The following GMPR variants were observed in gnomAD, a reference collection of about 807,000 sequenced individuals.
GMPR encodes the protein guanosine monophosphate reductase, also known as GMP reductase 1.
GMPR carries 31 observed loss-of-function variants against 38.4 expected under a neutral mutation model. The observed-to-expected ratio is 0.81, with a 90% CI of 0.61 to 1.09. The LOEUF (loss-of-function observed/expected upper bound fraction) is 1.09, where lower values mean the gene tolerates loss of function less well. GMPR is among the 50% of genes least tolerant of loss of function. The pLI is 0.00. For missense variants in GMPR, 468 were observed against 453.7 expected (o/e 1.03, Z -0.29); for synonymous variants, 162 against 173.3 (o/e 0.93, Z 0.51).
intron 4 of GMPR, among the ~76,000 whole-genome samples, chr6:16,266,365 CTG>C (rs371366972): frequency 1.9e-4 from 23 of 123,124 alleles, no homozygotes; most frequent in African/African-American, 5.4e-4. Flanking sequence ...GTAACACTCA[CTG>C]TGAAAAAGGT....
At chr6:16,273,380 G>A (rs1449629468) in intron 4 of GMPR, among the ~76,000 whole-genome samples, 4 of 152,202 alleles carry the variant, frequency 2.6e-5, no homozygotes, top group African/African-American at 9.6e-5. Flanking sequence ...CCTATATACT[G>A]GCTGAAGAAT....
intron 4 of GMPR, among the ~76,000 whole-genome samples, chr6:16,267,471 G>A (rs1759280046): frequency 1.3e-5 from 2 of 151,678 alleles, no homozygotes; most frequent in South Asian, 2.1e-4. Context: ...ACTCCGGACG[G>A]TGCCACTTTT....
intron 4 of GMPR, among the ~76,000 whole-genome samples, chr6:16,265,833 T>G (rs2113684504): frequency 6.6e-6 from 1 of 151,710 alleles, no homozygotes; most frequent in Admixed American, 6.8e-5. Context: ...CATGGAGGTT[T>G]TCTTCGTTCG....
Position 16,286,920 on chromosome 6 carries a change from T to C in GMPR, c.697+1085T>C, listed in dbSNP as rs372307057. The stretch of plus-strand genomic sequence containing the variant: ...CCCTGTCTCAAAAAAATATAAAAAA[T>C]AAAAATTAAAAAATAAATGGTCAGA... On this transcript the variant is annotated intron_variant, in intron 7 of 8. Coordinates refer to ENST00000259727, the MANE Select transcript of GMPR (RefSeq NM_006877.4). Among the ~76,000 whole-genome samples, 8 of 151,894 alleles carry C rather than the reference T, an allele frequency of 5.3e-5. No homozygotes were observed. The East Asian group carries it at 1.2e-3, about 22-fold the overall frequency.
chr6:16,290,539 A>AACGG lies in GMPR; in HGVS notation c.781_784dup (p.Lys262ThrfsTer12). ...GTGTGCTGGAGAAGTGTTTGAGAGGAACGGACGGAAGCTCAAGCTCTTCTA... is the reference window on the plus strand; with the variant it reads ...GTGTGCTGGAGAAGTGTTTGAGAGGAACGGACGGACGGAAGCTCAAGCTCTTCTA... On this transcript the variant is annotated frameshift_variant, in exon 8 of 9. Coordinates refer to ENST00000259727, the MANE Select transcript of GMPR (RefSeq NM_006877.4). LOFTEE classifies it high-confidence loss of function. 1 of 1,613,988 alleles carries AACGG rather than the reference A, an allele frequency of 6.2e-7. No individual in the cohort carries two copies. The highest frequency in any genetic ancestry group is 8.5e-7 in the Non-Finnish European group (1 of 1,179,880).
chr6:16,265,703 C>A (rs1759185076), intron 4 of GMPR, among the ~76,000 whole-genome samples: 1 of 152,202 alleles, frequency 6.6e-6, no homozygotes, highest in African/African-American at 2.4e-5. Context: ...TCTGTAAAAA[C>A]ACACCACTCC....
At chr6:16,285,325 G>A (rs1446457754) in intron 6 of GMPR, among the ~76,000 whole-genome samples, 1 of 152,226 alleles carries the variant, frequency 6.6e-6, no homozygotes, top group Non-Finnish European at 1.5e-5. Context: ...TCCTTTTCTT[G>A]GCTCTTACAA....
intron 5 of GMPR, among the ~76,000 whole-genome samples, chr6:16,277,129 C>T (rs1451088342): frequency 2.0e-5 from 3 of 152,096 alleles, no homozygotes; most frequent in South Asian, 4.1e-4. Context: ...GGTTGCAGGG[C>T]GGGGGGAAGG....
chr6:16,273,811 A>ATTTTTTTT (rs772416416), intron 4 of GMPR, among the ~76,000 whole-genome samples: 1 of 112,872 alleles, frequency 8.9e-6, no homozygotes, highest in Non-Finnish European at 1.7e-5. Flanking sequence ...TCCCTCTAAG[A>ATTTTTTTT]TTTTTTTTTT....
chr6:16,265,619 C>T (rs72478852), intron 4 of GMPR, among the ~76,000 whole-genome samples: 1 of 145,412 alleles, frequency 6.9e-6, no homozygotes, highest in African/African-American at 2.4e-5. Context: ...CACCAAGCAG[C>T]GCTGTGTCTA....
intron 1 of GMPR, among the ~76,000 whole-genome samples, chr6:16,240,978 T>A (rs568081588): frequency 6.6e-6 from 1 of 152,212 alleles, no homozygotes; most frequent in African/African-American, 2.4e-5. Context: ...TTTACTTGCC[T>A]CGGTGGCGTT....
At chr6:16,251,177 G>T (rs1225852461) in intron 3 of GMPR, among the ~76,000 whole-genome samples, 1 of 152,184 alleles carries the variant, frequency 6.6e-6, no homozygotes, top group Non-Finnish European at 1.5e-5. Context: ...ACAAAATAAG[G>T]TATATCCATA....
intron 4 of GMPR, among the ~76,000 whole-genome samples, chr6:16,267,273 G>C (rs887929119): frequency 7.2e-5 from 11 of 152,248 alleles, no homozygotes; most frequent in African/African-American, 2.6e-4. Flanking sequence ...TCGGGAGGCT[G>C]AGGCAGGAGA....
intron 1 of GMPR, among the ~76,000 whole-genome samples, chr6:16,240,864 G>A (rs1018704988): frequency 1.3e-5 from 2 of 152,110 alleles, no homozygotes. Context: ...CCACGGGCCT[G>A]GAGACTCAGG....
chr6:16,239,366 G>A (rs371888671), intron 1 of GMPR, among the ~76,000 whole-genome samples: 3 of 152,180 alleles, frequency 2.0e-5, no homozygotes, highest in African/African-American at 7.2e-5. Flanking sequence ...TAGCCCTGGA[G>A]AAGAGTTTCG....
rs947814310 is a variant in GMPR, at chr6:16,265,906, A to G, written c.466-8509A>G. ...ATGAGCTGTAACACTTACTGCAAAG[A>G]TGTGCAGTTTCACTCCTGAAGTCAG... is the stretch of plus-strand genomic sequence containing the variant. On this transcript the variant is annotated intron_variant, in intron 4 of 8. Coordinates refer to ENST00000259727, the MANE Select transcript of GMPR (RefSeq NM_006877.4). Among the ~76,000 whole-genome samples, 13 of 152,288 alleles carry G rather than the reference A, an allele frequency of 8.5e-5. No homozygotes were observed. The South Asian group carries it at 2.7e-3, about 32-fold the overall frequency.
chr6:16,251,688 T>C (rs1382531148), intron 3 of GMPR, among the ~76,000 whole-genome samples: 1 of 151,980 alleles, frequency 6.6e-6, no homozygotes, highest in African/African-American at 2.4e-5. Context: ...GCTGAGGAAG[T>C]TTGAGAGGGA....
intron 1 of GMPR, among the ~76,000 whole-genome samples, chr6:16,240,440 G>A (rs1371255034): frequency 2.0e-5 from 3 of 152,162 alleles, no homozygotes; most frequent in East Asian, 3.9e-4. Flanking sequence ...AGGCTGAGGC[G>A]GGAGGATGGC....
intron 4 of GMPR, among the ~76,000 whole-genome samples, chr6:16,265,994 T>TA: frequency 6.6e-6 from 1 of 152,258 alleles, no homozygotes; most frequent in East Asian, 1.9e-4. Flanking sequence ...CTTTAAGAGC[T>TA]GTAACACTCA....
Sources: allele counts gnomAD v4.1 joint callset (sites outside exome capture counted in the v4.1 genomes callset), GRCh38; gene constraint gnomAD v4.1.1; transcripts MANE v1.5; gene names NCBI Gene and HGNC (gene_info 2026-07-23, HGNC 2026-07-21).